CFAP54: variants seen among roughly 807,000 people sequenced by gnomAD.
CFAP54 encodes cilia- and flagella-associated protein 54.
Under a neutral mutation model 370.4 loss-of-function variants are expected in CFAP54, and 290 were observed. The observed-to-expected ratio is 0.78, with a 90% confidence interval of 0.71 to 0.86. The LOEUF is 0.86. Ranked by LOEUF, CFAP54 falls within the 40% of genes least tolerant of loss-of-function variation. The pLI, the probability that CFAP54 is intolerant of heterozygous loss-of-function variation, is 0.00. For synonymous variants in CFAP54, 1,206 were observed against 1,236.5 expected (o/e 0.98, Z 0.52); for missense variants, 3,399 against 3,528.7 (o/e 0.96, Z 0.93).
intron 39 of CFAP54, among the ~76,000 whole-genome samples, chr12:96,674,769 ACTGT>A (rs1305520331): frequency 1.3e-5 from 2 of 152,100 alleles, no homozygotes; most frequent in African/African-American, 2.4e-5. Context: ...GAGAATAGAG[ACTGT>A]CTGTTTTGTT....
chr12:96,676,675 A>T (rs1228034535), intron 39 of CFAP54, among the ~76,000 whole-genome samples: 3 of 152,028 alleles, frequency 2.0e-5, no homozygotes, highest in African/African-American at 7.2e-5. Flanking sequence ...CCTCCTGAGT[A>T]GCTGGGACTA....
rs1958260342 is a variant in CFAP54 at position 96,756,563 on chromosome 12, G to C, written c.7946G>C (p.Gly2649Ala). Reference sequence around the variant, plus strand: ...AGCCTGAAAAATGATCAAAACTCAGGGTAAAAAGATATTCCATTGTTGTAG... The same window carrying C: ...AGCCTGAAAAATGATCAAAACTCAGCGTAAAAAGATATTCCATTGTTGTAG... ...QLSLKNDQNS[G>A]LIRDSYLEMA... The change falls in exon 57 of 68, where the codon GGA (glycine) becomes GCA (alanine). Residue 2649 changes from glycine (G) to alanine (A), a missense_variant and splice_region_variant. By Grantham distance (60) the Gly-to-Ala change is moderately conservative. This residue lies in a region of CFAP54 where 2,796 missense variants were observed against 2,869.7 expected (regional missense o/e 0.97). Transcript: ENST00000524981. The C allele has an allele frequency of 1.9e-6, 3 of 1,572,346 alleles. No individual in the cohort carries two copies. Among genetic ancestry groups the C allele is most frequent in the Non-Finnish European group, 2.6e-6 (3 of 1,146,476 alleles).
intron 33 of CFAP54, chr12:96,645,096 G>A (rs189284963): frequency 3.3e-5 from 15 of 455,206 alleles, no homozygotes; most frequent in Admixed American, 3.1e-4. Flanking sequence ...CTATTTCATA[G>A]AGGCGTACTT....
chr12:96,723,423 T>C (rs910790133), intron 50 of CFAP54, among the ~76,000 whole-genome samples: 5 of 152,068 alleles, frequency 3.3e-5, no homozygotes, highest in African/African-American at 1.2e-4. Context: ...CAAGAGATTA[T>C]GGAACCCTGA....
intron 60 of CFAP54, among the ~76,000 whole-genome samples, chr12:96,779,136 A>T (rs71460359): frequency 0.065 from 9,795 of 150,732 alleles, 474 homozygotes; most frequent in Non-Finnish European, 0.1. Flanking sequence ...CCCACAAATT[A>T]TGAATTTACA....
chr12:96,732,222 T>C (rs1269113208), intron 50 of CFAP54, among the ~76,000 whole-genome samples: 1 of 152,120 alleles, frequency 6.6e-6, no homozygotes, highest in East Asian at 1.9e-4. Context: ...GCCTCCTGGG[T>C]TCAAATGATT....
intron 66 of CFAP54, among the ~76,000 whole-genome samples, chr12:96,833,564 A>C (rs938482234): frequency 2.0e-5 from 3 of 151,860 alleles, no homozygotes; most frequent in African/African-American, 7.3e-5. Context: ...AACTAGAGTC[A>C]TACAGAATCA....
intron 39 of CFAP54, among the ~76,000 whole-genome samples, chr12:96,672,104 T>A (rs1309245166): frequency 6.6e-6 from 1 of 151,940 alleles, no homozygotes; most frequent in Non-Finnish European, 1.5e-5. Flanking sequence ...GGGCTTTGTT[T>A]TGTTTGTATG....
intron 38 of CFAP54, among the ~76,000 whole-genome samples, chr12:96,663,365 A>C (rs1456152395): frequency 6.6e-6 from 1 of 152,178 alleles, no homozygotes; most frequent in Non-Finnish European, 1.5e-5. Flanking sequence ...CTGTTTTCAG[A>C]TATTTTATTA....
intron 33 of CFAP54, among the ~76,000 whole-genome samples, 197 bp from the exon 34 acceptor site, chr12:96,647,678 C>T (rs1004494251): frequency 1.3e-5 from 2 of 151,716 alleles, no homozygotes; most frequent in Admixed American, 1.3e-4. Context: ...TGTTAAAATT[C>T]CTAAGAGCAA....
In CFAP54 at chr12:96,517,026, G is replaced by T. The variant is rs191209689; in HGVS notation, c.799-1902G>T. Among the ~76,000 whole-genome samples the T allele has an allele frequency of 2.0e-4, 30 of 150,360 alleles. No individual in the cohort carries two copies. The East Asian group carries it at 2.1e-3, about 11-fold the overall frequency. On this transcript the variant is annotated intron_variant, in intron 5 of 67. Transcript: ENST00000524981. ...GTTTTTTTTTTTTTTTCCATGAAGA[G>T]AATAGTCCTGATGTATCCTATTAAA...
rs778849919 is a variant in CFAP54, at chr12:96,684,706, A to G, written c.5775A>G (p.Gly1925=). The G allele has an allele frequency of 6.2e-7, 1 of 1,613,170 alleles. No individual in the cohort carries two copies. Among genetic ancestry groups the G allele is most frequent in the Non-Finnish European group, 8.5e-7 (1 of 1,179,664 alleles). Residue 1925 remains glycine (G), a synonymous_variant, in exon 41 of 68, where the codon GGA becomes GGG. Transcript: ENST00000524981. Reference sequence around the variant, plus strand: ...AAGTTCAGGCGTTGCATTCACTTGGAAGTCTTCTCATCTTCGCAGAAAAGA... The same window carrying G: ...AAGTTCAGGCGTTGCATTCACTTGGGAGTCTTCTCATCTTCGCAGAAAAGA... ...SLKVQALHSL[G]SLLIFAEKKR...
intron 26 of CFAP54, among the ~76,000 whole-genome samples, chr12:96,606,421 A>G (rs79459796): frequency 0.021 from 3,160 of 152,332 alleles, 63 homozygotes; most frequent in African/African-American, 0.051. Context: ...TTGTCTGTAA[A>G]CAGAATCACT....
Position 96,626,952 on chromosome 12 carries a change from A to G in CFAP54, c.4103+13A>G. On this transcript the variant is annotated intron_variant, in intron 30 of 67. Coordinates refer to ENST00000524981, the MANE Select transcript of CFAP54 (RefSeq NM_001306084.2). Reference sequence around the variant, plus strand: ...ACTTCTTGAAAAGGTACTTGCAATTATCAGTGTTATACATGTTAACAACTT... The same window carrying G: ...ACTTCTTGAAAAGGTACTTGCAATTGTCAGTGTTATACATGTTAACAACTT... 2.2e-6 allele frequency: 3 copies of G among 1,337,860 alleles called. No homozygotes were observed. Among genetic ancestry groups the G allele is most frequent in the Non-Finnish European group, 2.9e-6 (3 of 1,035,892 alleles). 82.9% of individuals were successfully genotyped at this position (1,337,860 alleles called of 1,614,324 possible).
intron 67 of CFAP54, among the ~76,000 whole-genome samples, chr12:96,871,549 A>G (rs940673404): frequency 4.6e-5 from 7 of 152,196 alleles, no homozygotes; most frequent in African/African-American, 1.7e-4. Context: ...TATCATCCAC[A>G]ATCTAGGAAA....
chr12:96,714,081 G>A (rs1044426254), intron 48 of CFAP54, among the ~76,000 whole-genome samples: 1 of 152,212 alleles, frequency 6.6e-6, no homozygotes, highest in Non-Finnish European at 1.5e-5. Flanking sequence ...GTTAGGCTAT[G>A]GGGTTAGGGG....
intron 67 of CFAP54, among the ~76,000 whole-genome samples, chr12:96,870,567 G>A (rs992607971): frequency 6.6e-6 from 1 of 152,194 alleles, no homozygotes; most frequent in Admixed American, 6.5e-5. Flanking sequence ...CATACTGGAT[G>A]CTCAATAACA....
At chr12:96,716,735 G>A (rs1033240825) in intron 48 of CFAP54, among the ~76,000 whole-genome samples, 1 of 152,164 alleles carries the variant, frequency 6.6e-6, no homozygotes, top group Non-Finnish European at 1.5e-5. Flanking sequence ...CCATAGGGTG[G>A]CACATGAGCC....
At chr12:96,826,327 T>C (rs900538775) in intron 65 of CFAP54, among the ~76,000 whole-genome samples, 1 of 142,646 alleles carries the variant, frequency 7.0e-6, no homozygotes, top group African/African-American at 2.5e-5. Flanking sequence ...ATATTGAATA[T>C]ATATAGTCTA....
Sources: allele counts gnomAD v4.1 joint callset (sites outside exome capture counted in the v4.1 genomes callset), GRCh38; gene constraint gnomAD v4.1.1; regional missense constraint gnomAD v4.1.1; transcripts MANE v1.5; gene names NCBI Gene and HGNC (gene_info 2026-07-23, HGNC 2026-07-21).